Variants in TIAM2 observed in about 807,000 individuals in gnomAD.
TIAM2 encodes the protein TIAM Rac1 associated GEF 2, also known as rho guanine nucleotide exchange factor TIAM2.
Under a neutral mutation model 152.9 loss-of-function variants are expected in TIAM2, and 80 were observed. The observed-to-expected ratio is 0.52, with a 90% CI of 0.44 to 0.63. The LOEUF is 0.63. TIAM2 is among the 30% of genes least tolerant of loss of function. The probability of loss-of-function intolerance (pLI) is 0.00; values close to 1 mark genes in which losing one functional copy is unlikely to be tolerated. For missense variants in TIAM2, 1,965 were observed against 2,120.1 expected (o/e 0.93, Z 1.44); for synonymous variants, 804 against 838.0 (o/e 0.96, Z 0.70).
At chr6:155,064,519 C>T (rs1052601784) in intron 1 of TIAM2, among the ~76,000 whole-genome samples, 1 of 152,176 alleles carries the variant, frequency 6.6e-6, no homozygotes, top group Non-Finnish European at 1.5e-5. Flanking sequence ...GGCCCAGAAG[C>T]ATGAGAAGTG....
In TIAM2 at chr6:155,256,825, C is replaced by T. The variant is rs1283856992; in HGVS notation, c.4810C>T (p.His1604Tyr). The change falls in exon 27 of 27, where the codon CAC becomes TAC. Residue 1604 changes from histidine (H) to tyrosine (Y), a missense_variant. Physicochemically the swap from His to Tyr is moderately conservative, Grantham distance 83. This residue lies in a region of TIAM2 where 935 missense variants were observed against 980.0 expected (regional missense o/e 0.95). Transcript: ENST00000682666. The stretch of plus-strand genomic sequence containing the variant: ...GAGGATTTCCGAGGACCCAGACGTT[C>T]ACCCCGAGGCTGAGCAGCAGCCTGG... ...RLRISEDPDV[H>Y]PEAEQQPGPE... 5.6e-6 allele frequency: 9 copies of T among 1,614,136 alleles called. No individual in the cohort carries two copies. Among genetic ancestry groups the T allele is most frequent in the Admixed American group, 1.7e-5 (1 of 60,008 alleles).
chr6:155,054,545 T>TTC (rs1777396791), intron 1 of TIAM2, among the ~76,000 whole-genome samples: 1 of 151,608 alleles, frequency 6.6e-6, no homozygotes, highest in South Asian at 2.1e-4. Flanking sequence ...TGAGAGGGAT[T>TTC]TCTATTCTGT....
intron 1 of TIAM2, among the ~76,000 whole-genome samples, chr6:155,012,246 C>T (rs1482248743): frequency 2.0e-5 from 3 of 152,032 alleles, no homozygotes; most frequent in African/African-American, 7.3e-5. Flanking sequence ...TTGTACTGTA[C>T]GGCCCACATT....
At chr6:155,019,110 C>T (rs1776411452) in intron 1 of TIAM2, among the ~76,000 whole-genome samples, 1 of 150,408 alleles carries the variant, frequency 6.6e-6, no homozygotes, top group Non-Finnish European at 1.5e-5. Context: ...CTGAGGCAGG[C>T]AGATCACTTG....
chr6:155,073,982 T>G (rs1777900260), intron 1 of TIAM2, among the ~76,000 whole-genome samples: 1 of 152,198 alleles, frequency 6.6e-6, no homozygotes, highest in Non-Finnish European at 1.5e-5. Context: ...TAAGGGTGCC[T>G]GCCCCAGAGC....
At chr6:155,008,485 A>C (rs1778434112) in intron 1 of TIAM2, among the ~76,000 whole-genome samples, 1 of 152,248 alleles carries the variant, frequency 6.6e-6, no homozygotes, top group South Asian at 2.1e-4. Context: ...TCTCTGAACC[A>C]GGTTTTCCTG....
chr6:155,182,583 G>C (rs1489884293), intron 13 of TIAM2, among the ~76,000 whole-genome samples: 1 of 152,124 alleles, frequency 6.6e-6, no homozygotes, highest in Non-Finnish European at 1.5e-5. Context: ...GACAGAGTGA[G>C]ACTCCTGCCT....
intron 7 of TIAM2, among the ~76,000 whole-genome samples, chr6:155,153,432 C>A (rs770910177): frequency 2.6e-5 from 4 of 151,804 alleles, no homozygotes; most frequent in Non-Finnish European, 5.9e-5. Flanking sequence ...CACAGCAAGA[C>A]CCTATTTCTG....
In TIAM2 at chr6:155,129,840, C is replaced by T. The variant is rs767995840; in HGVS notation, c.617C>T (p.Ser206Leu). 2.0e-5 allele frequency: 32 copies of T among 1,613,642 alleles called. 1 individual carries two copies. In the East Asian group the frequency reaches 6.2e-4, roughly 31 times the overall value. Residue 206 changes from serine (S) to leucine (L), a missense_variant, in exon 4 of 27, where the codon TCG (serine) becomes TTG (leucine). Coordinates refer to ENST00000682666, the MANE Select transcript of TIAM2 (RefSeq NM_012454.4). The surrounding 1 kb of genome is among the most constrained non-coding windows in gnomAD (Gnocchi z 4.8). The part of the protein sequence containing the change: ...QLLRYSPTLA[S>L]ETSPVPEARR... Reference sequence around the variant, plus strand: ...CTGAGGTACTCACCTACCTTAGCATCGGAAACCTCCCCTGTGCCTGAAGCC... The same window carrying T: ...CTGAGGTACTCACCTACCTTAGCATTGGAAACCTCCCCTGTGCCTGAAGCC...
At chr6:155,014,924 G>A (rs950645533) in intron 1 of TIAM2, among the ~76,000 whole-genome samples, 1 of 152,240 alleles carries the variant, frequency 6.6e-6, no homozygotes, top group Non-Finnish European at 1.5e-5. Flanking sequence ...TGAGTTGTCC[G>A]TCAGGAGGCT....
intron 1 of TIAM2, among the ~76,000 whole-genome samples, chr6:155,084,122 G>T (rs568707908): frequency 6.6e-6 from 1 of 152,122 alleles, no homozygotes; most frequent in African/African-American, 2.4e-5. Flanking sequence ...ATCTACCTGG[G>T]GCACTGCATG....
chr6:155,181,079 A>T (rs6909739), intron 12 of TIAM2, among the ~76,000 whole-genome samples: 21,130 of 152,194 alleles, frequency 0.14, 1,947 homozygotes, highest in Non-Finnish European at 0.2. Context: ...CCAGCAGAAG[A>T]TACTCTCTGG....
chr6:155,076,928 T>G (rs572518674), intron 1 of TIAM2, among the ~76,000 whole-genome samples: 39 of 152,310 alleles, frequency 2.6e-4, no homozygotes, highest in African/African-American at 8.9e-4. Flanking sequence ...ACTCCTGACC[T>G]CGGATGATCC....
intron 5 of TIAM2, among the ~76,000 whole-genome samples, chr6:155,138,230 G>A (rs1246587349): frequency 6.6e-6 from 1 of 151,962 alleles, no homozygotes; most frequent in African/African-American, 2.4e-5. Context: ...CGCTGGATTT[G>A]GAGAAAAAAA....
At chr6:155,115,854 C>T (rs1003337346) in intron 2 of TIAM2, among the ~76,000 whole-genome samples, 2 of 152,184 alleles carry the variant, frequency 1.3e-5, no homozygotes, top group African/African-American at 4.8e-5. Flanking sequence ...CGTGGTGGCT[C>T]ACGCCTGTAA....
At chr6:155,244,938 G>C (rs930107172) in intron 18 of TIAM2, 155 bp downstream of exon 18, 2 of 984,700 alleles carry the variant, frequency 2.0e-6, no homozygotes, top group East Asian at 5.8e-5. Context: ...TCCTCTGTCA[G>C]GTGGTAAAGG....
chr6:155,128,614 C>T (rs543999874), intron 3 of TIAM2, among the ~76,000 whole-genome samples: 1 of 151,656 alleles, frequency 6.6e-6, no homozygotes, highest in East Asian at 1.9e-4. Flanking sequence ...GATGCTAGCA[C>T]TTTGGGAGGC....
chr6:155,047,282 G>T (rs1356338531), intron 1 of TIAM2, among the ~76,000 whole-genome samples: 1 of 152,138 alleles, frequency 6.6e-6, no homozygotes, highest in Non-Finnish European at 1.5e-5. Context: ...TGGCTCAAGC[G>T]CTTCTCCTGC....
At position 155,130,354 on chromosome 6, in the gene TIAM2, A is replaced by G; in HGVS notation, c.1131A>G (p.Lys377=). The change falls in exon 4 of 27, where the codon AAA becomes AAG. Residue 377 remains lysine (K), a synonymous_variant. Coordinates refer to ENST00000682666, the MANE Select transcript of TIAM2 (RefSeq NM_012454.4). ...ATACTGCGAAGAAGGACTCCCTCAA[A>G]GCCAGGATGCGACGGATCAGTGACT... is the stretch of plus-strand genomic sequence containing the variant. ...VEDTAKKDSL[K]ARMRRISDWT... is the part of the protein sequence containing the mutation. 1 of 1,614,088 alleles carries G rather than the reference A, an allele frequency of 6.2e-7. No homozygotes were observed. Among genetic ancestry groups the G allele is most frequent in the South Asian group, 1.1e-5 (1 of 91,086 alleles).
Sources: gnomAD v4.1 joint callset for allele counts (sites outside exome capture counted in the v4.1 genomes callset) on GRCh38, gnomAD v4.1.1 for gene constraint, gnomAD v4.1.1 regional missense constraint, Gnocchi (gnomAD v3.1) non-coding constraint, MANE v1.5 for transcripts, NCBI Gene and HGNC (gene_info 2026-07-23, HGNC 2026-07-21) for gene names.